The following KAZN variants were observed in gnomAD, a reference collection of about 807,000 sequenced individuals.
The protein encoded by KAZN is kazrin, periplakin interacting protein.
A neutral mutation model predicts 87.4 loss-of-function variants in KAZN; 40 were observed. That is an observed-to-expected ratio of 0.46 (90% confidence interval 0.36 to 0.60). KAZN has a LOEUF of 0.60. KAZN is among the 20% of genes least tolerant of loss of function. KAZN has a pLI of 0.00. For missense variants in KAZN, 898 were observed against 1,073.9 expected (o/e 0.84, Z 2.29); for synonymous variants, 466 against 458.3 (o/e 1.02, Z -0.22).
intron 2 of KAZN, among the ~76,000 whole-genome samples, chr1:15,025,214 C>A (rs1395729257): frequency 6.6e-6 from 1 of 152,188 alleles, no homozygotes; most frequent in Non-Finnish European, 1.5e-5. Context: ...CTCATTAATC[C>A]TTCACTTACC....
intron 1 of KAZN, among the ~76,000 whole-genome samples, chr1:14,086,624 A>G (rs1643866499): frequency 6.6e-6 from 1 of 152,204 alleles, no homozygotes; most frequent in Non-Finnish European, 1.5e-5. Flanking sequence ...ATCTTTGCCT[A>G]TTTAAGTAGA....
At chr1:14,094,207 A>T (rs766166852) in intron 1 of KAZN, among the ~76,000 whole-genome samples, 1 of 152,044 alleles carries the variant, frequency 6.6e-6, no homozygotes, top group African/African-American at 2.4e-5. Flanking sequence ...TTTCCTTCTG[A>T]TGCTGCTTCT....
rs181539411 is a variant in KAZN at position 13,990,922 on chromosome 1, A to G, written c.91+97166A>G. ...TGTTTGAGTATTTTCATAATAAGAT[A>G]TTAAGAAAATAAGCATTGCTGCCTA... On this transcript the variant is annotated intron_variant, in intron 1 of 16. Transcript: ENST00000636203. 1.8e-3 allele frequency among the ~76,000 whole-genome samples: 274 copies of G among 152,352 alleles called. 1 individual carries two copies. The highest frequency in any genetic ancestry group is 3.0e-3 in the Non-Finnish European group (204 of 68,020).
rs866679836 is a variant in KAZN, at chr1:14,996,418, C to T, written c.418+35543C>T. On this transcript the variant is annotated intron_variant, in intron 2 of 14. Transcript: ENST00000376030. This position sits in a 1 kb window ranked among gnomAD's most constrained non-coding sequence, Gnocchi z 5.9. Reference sequence around the variant, plus strand: ...GGGGCCTCAGAGGCAGGGACTGTGACTTAGTCATCACTGTATCATCAGACC... The same window carrying T: ...GGGGCCTCAGAGGCAGGGACTGTGATTTAGTCATCACTGTATCATCAGACC... Among the ~76,000 whole-genome samples, 24 of 152,270 alleles carry T rather than the reference C, an allele frequency of 1.6e-4. No homozygotes were observed. Among genetic ancestry groups the T allele is most frequent in the Middle Eastern group, 3.4e-3 (1 of 294 alleles).
At chr1:15,048,916 C>T (rs1373925115) in intron 4 of KAZN, among the ~76,000 whole-genome samples, 1 of 148,038 alleles carries the variant, frequency 6.8e-6, no homozygotes, top group African/African-American at 2.6e-5. Flanking sequence ...TTGGTCATGC[C>T]GTTCAGTGGT....
intron 4 of KAZN, among the ~76,000 whole-genome samples, chr1:15,054,524 C>T (rs938019666): frequency 1.3e-5 from 2 of 151,806 alleles, no homozygotes; most frequent in African/African-American, 2.4e-5. Context: ...TGGTGGCAGG[C>T]GCCTGTAATC....
chr1:14,649,244 A>T (rs1377495016), intron 1 of KAZN, among the ~76,000 whole-genome samples: 1 of 152,242 alleles, frequency 6.6e-6, no homozygotes, highest in African/African-American at 2.4e-5. Flanking sequence ...GGCCGAATCC[A>T]CATACCATTG....
At chr1:14,998,071 G>A (rs1020648974) in intron 2 of KAZN, among the ~76,000 whole-genome samples, 1 of 152,028 alleles carries the variant, frequency 6.6e-6, no homozygotes, top group Non-Finnish European at 1.5e-5. Context: ...GTGGGTCTGT[G>A]CCCAGGAGCA....
At chr1:14,181,047 A>T (rs675997) in intron 2 of KAZN, among the ~76,000 whole-genome samples, 1 of 152,052 alleles carries the variant, frequency 6.6e-6, no homozygotes, top group Non-Finnish European at 1.5e-5. Flanking sequence ...GAATTTATTG[A>T]GGAAGGTATT....
intron 2 of KAZN, among the ~76,000 whole-genome samples, chr1:14,518,753 A>C (rs773993955): frequency 6.6e-6 from 1 of 152,224 alleles, no homozygotes; most frequent in Non-Finnish European, 1.5e-5. Flanking sequence ...CTCATCAGCA[A>C]GATGGTGAAA....
chr1:15,026,394 CGCAGCTGCTAAGGA>C (rs1265779555), intron 2 of KAZN, among the ~76,000 whole-genome samples: 1 of 152,166 alleles, frequency 6.6e-6, no homozygotes, highest in Non-Finnish European at 1.5e-5. Context: ...TCTCAGGCCC[CGCAGCTGCTAAGGA>C]GCAAGTGACA....
chr1:14,037,868 T>C (rs927440257), intron 1 of KAZN, among the ~76,000 whole-genome samples: 8 of 152,218 alleles, frequency 5.3e-5, no homozygotes, highest in South Asian at 2.1e-4. Context: ...TGCTCTCTAA[T>C]GGGCCCATGC....
chr1:13,935,156 G>A (rs1640673666), intron 1 of KAZN, among the ~76,000 whole-genome samples: 1 of 151,948 alleles, frequency 6.6e-6, no homozygotes, highest in African/African-American at 2.4e-5. Flanking sequence ...AGAATCGCAT[G>A]AACCCAGGAG....
At chr1:14,651,691 T>A (rs930455507) in intron 1 of KAZN, among the ~76,000 whole-genome samples, 10 of 152,274 alleles carry the variant, frequency 6.6e-5, no homozygotes, top group African/African-American at 2.4e-4. Context: ...TGACTGGGGC[T>A]TTTTTCCCCC....
At chr1:14,660,101 G>C (rs1014135163) in intron 1 of KAZN, among the ~76,000 whole-genome samples, 1 of 152,078 alleles carries the variant, frequency 6.6e-6, no homozygotes, top group Non-Finnish European at 1.5e-5. Context: ...TTGATAATGC[G>C]ATTAGGGCCT....
intron 2 of KAZN, among the ~76,000 whole-genome samples, chr1:14,397,440 A>AC (rs993147771): frequency 2.0e-5 from 3 of 151,746 alleles, no homozygotes; most frequent in African/African-American, 7.3e-5. Flanking sequence ...TGGGAGTTTC[A>AC]CCCCCATTTA....
intron 2 of KAZN, among the ~76,000 whole-genome samples, chr1:14,461,510 A>C (rs183087357): frequency 1.8e-4 from 27 of 152,334 alleles, no homozygotes; most frequent in African/African-American, 6.5e-4. Flanking sequence ...CTGTGAGTCC[A>C]TCAAACCTTT....
At chr1:14,014,799 C>G (rs1640486785) in intron 1 of KAZN, among the ~76,000 whole-genome samples, 1 of 152,232 alleles carries the variant, frequency 6.6e-6, no homozygotes, top group African/African-American at 2.4e-5. Context: ...AAATAATAAG[C>G]CCCTGCACAA....
intron 2 of KAZN, among the ~76,000 whole-genome samples, chr1:14,300,268 A>ATT (rs34475873): frequency 1.1e-3 from 163 of 151,036 alleles, no homozygotes; most frequent in Non-Finnish European, 1.6e-3. Context: ...GAATTTATTT[A>ATT]TTTTTTTTTA....
Sources: allele counts gnomAD v4.1 joint callset (sites outside exome capture counted in the v4.1 genomes callset), GRCh38; gene constraint gnomAD v4.1.1; non-coding constraint Gnocchi (gnomAD v3.1); transcripts MANE v1.5; gene names NCBI Gene and HGNC (gene_info 2026-07-23, HGNC 2026-07-21).